The following NRG3 variants were observed in gnomAD, a reference collection of about 807,000 sequenced individuals.
The protein encoded by NRG3 is pro-neuregulin-3, membrane-bound isoform.
Under a neutral mutation model 66.9 loss-of-function variants are expected in NRG3, and 31 were observed. That is an observed-to-expected ratio of 0.46 (90% confidence interval 0.35 to 0.63). The LOEUF is 0.63. Ranked by LOEUF, NRG3 falls within the 20% of genes least tolerant of loss-of-function variation. The pLI is 0.00. For synonymous variants in NRG3, 393 were observed against 359.4 expected (o/e 1.09, Z -1.06); for missense variants, 910 against 878.9 (o/e 1.04, Z -0.45).
At chr10:82,235,815 T>C (rs946148913) in intron 1 of NRG3, among the ~76,000 whole-genome samples, 2 of 152,206 alleles carry the variant, frequency 1.3e-5, no homozygotes, top group Non-Finnish European at 2.9e-5. Flanking sequence ...CCTGGAAAGT[T>C]GTCCAGCGTG....
At chr10:82,188,837 A>G (rs2133321987) in intron 1 of NRG3, among the ~76,000 whole-genome samples, 1 of 152,208 alleles carries the variant, frequency 6.6e-6, no homozygotes, top group Admixed American at 6.5e-5. Flanking sequence ...CAAAGCAAAT[A>G]GATAGAATGA....
intron 1 of NRG3, among the ~76,000 whole-genome samples, chr10:82,175,662 T>C (rs2072972339): frequency 6.6e-6 from 1 of 152,184 alleles, no homozygotes; most frequent in Non-Finnish European, 1.5e-5. Flanking sequence ...CATTATGTGG[T>C]TAGCTGTTCA....
chr10:82,392,176 C>T (rs547499233), intron 2 of NRG3, among the ~76,000 whole-genome samples: 7 of 152,244 alleles, frequency 4.6e-5, no homozygotes, highest in East Asian at 1.9e-4. Flanking sequence ...GAGATGGCAG[C>T]TTTTCAATGT....
chr10:82,938,912 G>T lies in NRG3; in HGVS notation c.1055-12557G>T, dbSNP rs566306610. ...AAACCTAGAATTGAGGGTAAGGAGTGGGGGACAGCTATTATAGGTTCAGGA... is the reference window on the plus strand; with the variant it reads ...AAACCTAGAATTGAGGGTAAGGAGTTGGGGACAGCTATTATAGGTTCAGGA... On this transcript the variant is annotated intron_variant, in intron 4 of 8. Coordinates refer to ENST00000372141, the MANE Select transcript of NRG3 (RefSeq NM_001010848.4). Among the ~76,000 whole-genome samples the T allele has an allele frequency of 2.6e-5, 4 of 152,310 alleles. No homozygotes were observed. In the East Asian group the frequency reaches 5.8e-4, roughly 22 times the overall value.
chr10:81,941,083 T>G (rs1168576926), intron 1 of NRG3, among the ~76,000 whole-genome samples: 2 of 152,072 alleles, frequency 1.3e-5, no homozygotes, highest in East Asian at 3.9e-4. Context: ...GAATTCAAGA[T>G]GAAAAAGATA....
chr10:82,547,366 CATCT>C (rs1171975039), intron 2 of NRG3, among the ~76,000 whole-genome samples: 1 of 151,092 alleles, frequency 6.6e-6, no homozygotes, highest in Non-Finnish European at 1.5e-5. Flanking sequence ...TGTACAAATA[CATCT>C]ATCTATATAT....
chr10:82,347,352 TCAG>T (rs2083096808), intron 1 of NRG3, among the ~76,000 whole-genome samples: 1 of 152,096 alleles, frequency 6.6e-6, no homozygotes, highest in Non-Finnish European at 1.5e-5. Flanking sequence ...AGCAGGTTGT[TCAG>T]TTTCCATGAA....
At chr10:82,461,340 C>T (rs571141678) in intron 2 of NRG3, among the ~76,000 whole-genome samples, 4 of 152,096 alleles carry the variant, frequency 2.6e-5, no homozygotes, top group South Asian at 2.1e-4. Context: ...ACCACCATCA[C>T]CACCACCACC....
intron 4 of NRG3, among the ~76,000 whole-genome samples, chr10:82,895,651 C>T (rs1161801584): frequency 3.3e-5 from 5 of 152,084 alleles, no homozygotes; most frequent in African/African-American, 1.2e-4. Context: ...CCTCCATGCC[C>T]AGCTAATTTT....
intron 1 of NRG3, among the ~76,000 whole-genome samples, chr10:82,260,674 T>G (rs190544983): frequency 4.6e-4 from 70 of 152,336 alleles, no homozygotes; most frequent in Non-Finnish European, 3.1e-4. Context: ...ACCATTTTAG[T>G]CTTCTCCATT....
intron 2 of NRG3, among the ~76,000 whole-genome samples, chr10:82,729,178 T>C (rs2057766109): frequency 6.6e-6 from 1 of 152,168 alleles, no homozygotes; most frequent in Non-Finnish European, 1.5e-5. Flanking sequence ...ACTGACTACC[T>C]ACATTGAAAA....
At chr10:82,177,948 C>T (rs1034889685) in intron 1 of NRG3, among the ~76,000 whole-genome samples, 7 of 152,086 alleles carry the variant, frequency 4.6e-5, no homozygotes, top group Non-Finnish European at 4.4e-5. Flanking sequence ...GCCTCAGCCT[C>T]CAAAAGTGCT....
chr10:82,273,977 G>A (rs1442036245), intron 1 of NRG3, among the ~76,000 whole-genome samples: 1 of 151,836 alleles, frequency 6.6e-6, no homozygotes, highest in Non-Finnish European at 1.5e-5. Context: ...TTAATTCTAT[G>A]CTTCTATTTG....
chr10:82,646,822 G>A (rs1428762176), intron 2 of NRG3, among the ~76,000 whole-genome samples: 1 of 152,074 alleles, frequency 6.6e-6, no homozygotes, highest in Non-Finnish European at 1.5e-5. Flanking sequence ...TTATCCAGAG[G>A]AGAAACAAAT....
At chr10:82,390,984 A>G (rs1299549642) in intron 2 of NRG3, among the ~76,000 whole-genome samples, 3 of 152,160 alleles carry the variant, frequency 2.0e-5, no homozygotes, top group African/African-American at 7.2e-5. Context: ...TGGCTTCCGG[A>G]TTACAAATGT....
At chr10:82,902,824 T>C (rs1844361672) in intron 4 of NRG3, among the ~76,000 whole-genome samples, 1 of 152,098 alleles carries the variant, frequency 6.6e-6, no homozygotes, top group Non-Finnish European at 1.5e-5. Flanking sequence ...GGAAAATTTT[T>C]TGGAGATCTT....
At chr10:82,323,861 A>C (rs1435323199) in intron 1 of NRG3, among the ~76,000 whole-genome samples, 1 of 151,986 alleles carries the variant, frequency 6.6e-6, no homozygotes. Context: ...TTTAAGTATT[A>C]TTTATTATTT....
intron 1 of NRG3, among the ~76,000 whole-genome samples, chr10:82,044,188 A>G (rs1451799700): frequency 1.3e-5 from 2 of 152,014 alleles, no homozygotes; most frequent in Non-Finnish European, 2.9e-5. Flanking sequence ...CATGTGTATG[A>G]TTATCATATA....
chr10:82,447,498 A>G (rs1240901324), intron 2 of NRG3, among the ~76,000 whole-genome samples: 1 of 152,232 alleles, frequency 6.6e-6, no homozygotes, highest in Non-Finnish European at 1.5e-5. Flanking sequence ...ATGTTCTCCA[A>G]AATTTCACTC....
Sources: allele counts gnomAD v4.1 joint callset (sites outside exome capture counted in the v4.1 genomes callset), GRCh38; gene constraint gnomAD v4.1.1; transcripts MANE v1.5; gene names NCBI Gene and HGNC (gene_info 2026-07-23, HGNC 2026-07-21).